Variants in ZBTB44 observed in about 807,000 individuals in gnomAD.
The protein encoded by ZBTB44 is zinc finger and BTB domain containing 44.
Under a neutral mutation model 54.0 loss-of-function variants are expected in ZBTB44, and 15 were observed. The observed-to-expected ratio is 0.28, with a 90% CI of 0.19 to 0.43. ZBTB44 has a LOEUF of 0.43. Among genes scored for constraint, ZBTB44 ranks in the 20% least tolerant of loss-of-function variants. The probability of loss-of-function intolerance (pLI) is 1.00; values close to 1 mark genes in which losing one functional copy is unlikely to be tolerated. For synonymous variants in ZBTB44, 230 were observed against 250.1 expected, an observed-to-expected ratio of 0.92 and a Z score of 0.76; for missense variants, 487 against 707.1, an observed-to-expected ratio of 0.69 and a Z score of 3.53.
At chr11:130,244,661 T>C (rs1181505880) in intron 2 of ZBTB44, among the ~76,000 whole-genome samples, 5 of 91,462 alleles carry the variant, frequency 5.5e-5, no homozygotes, top group African/African-American at 2.5e-4. Context: ...AGAGAGACTC[T>C]GTCTGGAAAA....
intron 5 of ZBTB44, chr11:130,236,170 G>C: frequency 7.8e-7 from 1 of 1,286,836 alleles, no homozygotes; most frequent in Non-Finnish European, 1.0e-6. Flanking sequence ...TTAATCAACA[G>C]CAGTTAGTGG....
chr11:130,281,310 A>C (rs963802345), intron 1 of ZBTB44, among the ~76,000 whole-genome samples: 3 of 152,080 alleles, frequency 2.0e-5, no homozygotes, highest in African/African-American at 7.2e-5. Flanking sequence ...ACTTGAGCCC[A>C]AGAGTTCAAG....
chr11:130,250,308 C>T (rs1487995712), intron 2 of ZBTB44, among the ~76,000 whole-genome samples: 2 of 152,224 alleles, frequency 1.3e-5, no homozygotes, highest in African/African-American at 4.8e-5. Flanking sequence ...GACAGAGCAC[C>T]TGGGAGAAGG....
Position 130,295,629 on chromosome 11 carries a change from T to TG in ZBTB44, c.-57+18745_-57+18746insC, listed in dbSNP as rs1194088728. On this transcript the variant is annotated intron_variant, in intron 1 of 7. Coordinates refer to ENST00000357899, the MANE Select transcript of ZBTB44 (RefSeq NM_001301098.2). Reference sequence around the variant, plus strand: ...AATATTGTCAATGAAAACTCTGAAGTTAAAAAAAAAAATGGGTTTTACCAA... The same window carrying TG: ...AATATTGTCAATGAAAACTCTGAAGTGTAAAAAAAAAAATGGGTTTTACCAA... 140 of 860,732 alleles carry TG rather than the reference T, an allele frequency of 1.6e-4. No homozygotes were observed. In the South Asian group the frequency reaches 2.0e-3, roughly 12 times the overall value. 53.3% of individuals were successfully genotyped at this position (860,732 alleles called of 1,614,324 possible).
chr11:130,295,628 G>GC, intron 1 of ZBTB44: 1 of 806,560 alleles, frequency 1.2e-6, no homozygotes, highest in Middle Eastern at 3.7e-4. Flanking sequence ...AAACTCTGAA[G>GC]TTAAAAAAAA....
chr11:130,241,239 T>C (rs1184966500), intron 2 of ZBTB44, among the ~76,000 whole-genome samples: 3 of 152,202 alleles, frequency 2.0e-5, no homozygotes, highest in East Asian at 3.9e-4. Context: ...AGGAATGGAA[T>C]TGCTAGGTCA....
chr11:130,314,294 G>A (rs893322061), intron 1 of ZBTB44, 81 bp downstream of exon 1: 1 of 152,426 alleles, frequency 6.6e-6, no homozygotes, highest in African/African-American at 2.4e-5. Context: ...GCGCCAGGTG[G>A]GGGCCACGCG....
At chr11:130,295,312 T>C (rs747279764) in intron 1 of ZBTB44, among the ~76,000 whole-genome samples, 9 of 152,036 alleles carry the variant, frequency 5.9e-5, no homozygotes, top group Non-Finnish European at 1.3e-4. Context: ...CAGTGGAAGA[T>C]ATAAAACCTA....
chr11:130,293,018 G>A (rs748461755), intron 1 of ZBTB44, among the ~76,000 whole-genome samples: 1 of 152,254 alleles, frequency 6.6e-6, no homozygotes, highest in Admixed American at 6.5e-5. Context: ...AGATTTACAT[G>A]AGAACTCATA....
At chr11:130,263,717 C>A (rs1939044916) in intron 1 of ZBTB44, among the ~76,000 whole-genome samples, 1 of 152,154 alleles carries the variant, frequency 6.6e-6, no homozygotes, top group Admixed American at 6.5e-5. Flanking sequence ...TATTTTCAAC[C>A]TTGAGTTACA....
intron 1 of ZBTB44, among the ~76,000 whole-genome samples, chr11:130,277,074 C>A (rs1388079358): frequency 6.6e-6 from 1 of 152,170 alleles, no homozygotes; most frequent in Non-Finnish European, 1.5e-5. Flanking sequence ...CTGGATAATG[C>A]TGTTTATAAA....
chr11:130,276,374 G>A (rs1049428430), intron 1 of ZBTB44, among the ~76,000 whole-genome samples: 1 of 151,726 alleles, frequency 6.6e-6, no homozygotes, highest in Non-Finnish European at 1.5e-5. Context: ...TGTCAGTTAG[G>A]TCTAGTTGGT....
At chr11:130,260,715 A>C in intron 2 of ZBTB44, 141 bp downstream of exon 2, 1 of 952,640 alleles carries the variant, frequency 1.0e-6, no homozygotes, top group Non-Finnish European at 1.5e-6. Context: ...TGCTAATAGC[A>C]TCTCAAGCAA....
In ZBTB44 at chr11:130,294,538, C is replaced by CAA. The variant is rs11322495; in HGVS notation, c.-57+19835_-57+19836dup. ...GGATTTACACAAAGGTCTATATGACCAAAAAAAAAAAAAAAAAAAAAAAAA... is the reference window on the plus strand; with the variant it reads ...GGATTTACACAAAGGTCTATATGACCAAAAAAAAAAAAAAAAAAAAAAAAAAA... On this transcript the variant is annotated intron_variant, in intron 1 of 7. Coordinates refer to ENST00000357899, the MANE Select transcript of ZBTB44 (RefSeq NM_001301098.2). Among the ~76,000 whole-genome samples the CAA allele has an allele frequency of 6.5e-3, 317 of 48,644 alleles. 23 individuals carry two copies. The highest frequency in any genetic ancestry group is 0.011 in the African/African-American group (166 of 14,524). 31.9% of individuals were successfully genotyped at this position (48,644 alleles called of 152,430 possible). A position where few individuals can be genotyped will look rare whatever the true frequency, so the allele number is the denominator to read the frequency against.
intron 5 of ZBTB44, chr11:130,236,056 A>G: frequency 3.5e-6 from 4 of 1,143,774 alleles, no homozygotes; most frequent in Non-Finnish European, 4.4e-6. Flanking sequence ...AAACAATTTA[A>G]AACAACAGTT....
chr11:130,243,404 G>A (rs1392111126), intron 2 of ZBTB44, among the ~76,000 whole-genome samples: 2 of 152,196 alleles, frequency 1.3e-5, no homozygotes, highest in East Asian at 1.9e-4. Context: ...CTAGGTTCCT[G>A]GGCAGCATTA....
Position 130,261,387 on chromosome 11 carries a change from C to T in ZBTB44, c.487G>A (p.Val163Met), listed in dbSNP as rs1018322952. ...TCTACCACACTGCACTCTGAGGACA[C>T]GGGAGAAATGCTCCCATCTCGAGAA... ...FTSRDGSISP[V>M]SSECSVVERT... Residue 163 changes from valine (V) to methionine (M), a missense_variant, in exon 2 of 8, where the codon GTG becomes ATG. Transcript: ENST00000357899. The surrounding 1 kb of genome is among the most constrained non-coding windows in gnomAD (Gnocchi z 4.8). 1.2e-6 allele frequency: 2 copies of T among 1,613,894 alleles called. No homozygotes were observed.
intron 5 of ZBTB44, chr11:130,236,178 T>A (rs1430687317): frequency 1.6e-6 from 2 of 1,287,286 alleles, no homozygotes; most frequent in Non-Finnish European, 2.0e-6. Flanking sequence ...CAGCAGTTAG[T>A]GGCAGAGCTA....
At chr11:130,260,699 C>T (rs755551036) in intron 2 of ZBTB44, among the ~76,000 whole-genome samples, 157 bp downstream of exon 2, 12 of 152,144 alleles carry the variant, frequency 7.9e-5, no homozygotes, top group Non-Finnish European at 1.6e-4. Context: ...AAAAAATAAA[C>T]GATAGTGCTA....
Sources: gnomAD v4.1 joint callset for allele counts (sites outside exome capture counted in the v4.1 genomes callset) on GRCh38, gnomAD v4.1.1 for gene constraint, Gnocchi (gnomAD v3.1) non-coding constraint, MANE v1.5 for transcripts, NCBI Gene and HGNC (gene_info 2026-07-23, HGNC 2026-07-21) for gene names.